Variants in GYPC observed in about 807,000 individuals in gnomAD.
The protein encoded by GYPC is glycophorin-C.
GYPC carries 14 observed loss-of-function variants against 12.6 expected under a neutral mutation model. The observed-to-expected ratio is 1.11, with a 90% CI of 0.74 to 1.74. The LOEUF (loss-of-function observed/expected upper bound fraction) is 1.74. GYPC is among the 40% of genes most tolerant of loss of function. The pLI, the probability that GYPC is intolerant of heterozygous loss-of-function variation, is 0.00. For synonymous variants in GYPC, 78 were observed against 62.1 expected, an observed-to-expected ratio of 1.26 and a Z score of -1.20; for missense variants, 225 against 172.1, an observed-to-expected ratio of 1.31 and a Z score of -1.72.
intron 1 of GYPC, among the ~76,000 whole-genome samples, chr2:126,671,412 T>A (rs1682852198): frequency 6.6e-6 from 1 of 152,228 alleles, no homozygotes; most frequent in Non-Finnish European, 1.5e-5. Flanking sequence ...AAAACAGTGC[T>A]TTATCACAGG....
intron 1 of GYPC, among the ~76,000 whole-genome samples, chr2:126,668,533 G>A (rs748582747): frequency 6.6e-6 from 1 of 152,204 alleles, no homozygotes; most frequent in Non-Finnish European, 1.5e-5. Flanking sequence ...TTTGCCTACA[G>A]CCAACTACAA....
At position 126,658,502 on chromosome 2, in the gene GYPC, A is replaced by T. The variant is rs191740901; in HGVS notation, c.49+2190A>T. The T allele has an allele frequency of 5.2e-5, 8 of 152,382 alleles. No homozygotes were observed. The East Asian group carries it at 1.4e-3, about 26-fold the overall frequency. The allele number at this position is 152,382 out of a possible 1,614,324, so 9.4% of individuals were successfully genotyped here. A position where few individuals can be genotyped will look rare whatever the true frequency, so the allele number is the denominator to read the frequency against. ...CTCTTCAGGTGGCAGACCTGTATGT[A>T]CATCTATGCCTCAAGTGCCTGTCTG... is the stretch of plus-strand genomic sequence containing the variant. On this transcript the variant is annotated intron_variant, in intron 1 of 3. Coordinates refer to ENST00000259254, the MANE Select transcript of GYPC (RefSeq NM_002101.5).
intron 1 of GYPC, among the ~76,000 whole-genome samples, chr2:126,670,312 G>T (rs1461548047): frequency 6.6e-6 from 1 of 152,216 alleles, no homozygotes; most frequent in African/African-American, 2.4e-5. Context: ...GCTCAGGATT[G>T]CCTGGAGAAG....
intron 1 of GYPC, among the ~76,000 whole-genome samples, 162 bp downstream of exon 1, chr2:126,656,474 C>G (rs1467520502): frequency 6.6e-6 from 1 of 152,194 alleles, no homozygotes; most frequent in Admixed American, 6.5e-5. Flanking sequence ...GACTCCAGCC[C>G]CGGTTCCCCG....
intron 1 of GYPC, among the ~76,000 whole-genome samples, chr2:126,689,740 G>T (rs1490375099): frequency 6.6e-6 from 1 of 152,078 alleles, no homozygotes; most frequent in Non-Finnish European, 1.5e-5. Flanking sequence ...GCAGTATGAG[G>T]CCCTCACCAG....
At chr2:126,677,513 G>A (rs1450113172) in intron 1 of GYPC, among the ~76,000 whole-genome samples, 7,172 of 93,586 alleles carry the variant, frequency 0.077, 568 homozygotes, top group African/African-American at 0.19. Context: ...GAGAGTGTGT[G>A]TGAGTCTGTG....
At chr2:126,686,096 C>G in intron 1 of GYPC, 2 of 985,254 alleles carry the variant, frequency 2.0e-6, no homozygotes. Flanking sequence ...ATGTAAAGAC[C>G]AGCCCACGCA....
chr2:126,656,583 G>A (rs991500821), intron 1 of GYPC, among the ~76,000 whole-genome samples: 79 of 152,252 alleles, frequency 5.2e-4, no homozygotes, highest in African/African-American at 1.8e-3. Context: ...GCCCTCCCAG[G>A]GCGTGTCGCC....
At chr2:126,656,409 CCCG>C in intron 1 of GYPC, 97 bp downstream of exon 1, 3 of 1,088,584 alleles carry the variant, frequency 2.8e-6, no homozygotes, top group Non-Finnish European at 4.0e-6. Flanking sequence ...GCCCTGGTGT[CCCG>C]GTCCGTGCCG....
Position 126,695,963 on chromosome 2 carries a change from G to T in GYPC, c.208G>T (p.Ala70Ser). 1 of 1,613,992 alleles carries T rather than the reference G, an allele frequency of 6.2e-7. No homozygotes were observed. The highest frequency in any genetic ancestry group is 1.3e-5 in the African/African-American group (1 of 75,040). ...VVIAGVIAAVAIVLVSLLFVM... is the reference protein window; with the variant it reads ...VVIAGVIAAVSIVLVSLLFVM... ...ACCTGCAGGTGTGATTGCTGCTGTG[G>T]CCATCGTCCTAGTCTCCCTCCTCTT... Residue 70 changes from alanine (A) to serine (S), a missense_variant, in exon 4 of 4, where the codon GCC becomes TCC. By Grantham distance (99) the Ala-to-Ser change is moderately conservative (BLOSUM62 1). Transcript: ENST00000259254.
chr2:126,693,141 C>G (rs1176509424), intron 2 of GYPC, among the ~76,000 whole-genome samples: 1 of 152,258 alleles, frequency 6.6e-6, no homozygotes, highest in Non-Finnish European at 1.5e-5. Flanking sequence ...ATTTGAGTCA[C>G]AGGGGCAGAT....
Position 126,696,333 on chromosome 2 carries a change from C to A in GYPC, c.*191C>A. 1 of 614,004 alleles carries A rather than the reference C, an allele frequency of 1.6e-6. No homozygotes were observed. 38.0% of individuals were successfully genotyped at this position (614,004 alleles called of 1,614,324 possible). A position where few individuals can be genotyped will look rare whatever the true frequency, so the allele number is the denominator to read the frequency against. On this transcript the variant is annotated 3_prime_UTR_variant, in exon 4 of 4. Coordinates refer to ENST00000259254, the MANE Select transcript of GYPC (RefSeq NM_002101.5). ...GAGGAGGACTCGCGCTACAAGAGGC[C>A]ACTCCCAGGGACCCAGGGAGGCGAT...
intron 1 of GYPC, among the ~76,000 whole-genome samples, chr2:126,662,918 G>A (rs561897503): frequency 6.6e-6 from 1 of 152,290 alleles, no homozygotes; most frequent in East Asian, 1.9e-4. Flanking sequence ...CTCCTCAGAT[G>A]TTTGCCCCTT....
At chr2:126,674,454 G>T (rs1682937501) in intron 1 of GYPC, among the ~76,000 whole-genome samples, 1 of 64,842 alleles carries the variant, frequency 1.5e-5, no homozygotes, top group African/African-American at 5.9e-5. Flanking sequence ...TGGGAAACAA[G>T]TGGGGGGGGA....
intron 1 of GYPC, chr2:126,686,416 A>T: frequency 1.0e-6 from 1 of 985,648 alleles, no homozygotes; most frequent in Non-Finnish European, 1.2e-6. Flanking sequence ...CATCCTGAGG[A>T]CATAGAGAGT....
chr2:126,658,768 TTTTAC>T (rs1682441912), intron 1 of GYPC: 1 of 152,226 alleles, frequency 6.6e-6, no homozygotes, highest in African/African-American at 2.4e-5. Flanking sequence ...ATTTTATATA[TTTTAC>T]TTCATCTTGT....
chr2:126,696,364 C>A lies in GYPC; in HGVS notation c.*222C>A. ...CAGGGACCCAGGGAGGCGATGGCCACCCCAGAGGCCACCTTTTGCTCCACG... is the reference window on the plus strand; with the variant it reads ...CAGGGACCCAGGGAGGCGATGGCCAACCCAGAGGCCACCTTTTGCTCCACG... On this transcript the variant is annotated 3_prime_UTR_variant, in exon 4 of 4. Transcript: ENST00000259254. The A allele has an allele frequency of 1.8e-6, 1 of 548,054 alleles. No individual in the cohort carries two copies. The highest frequency in any genetic ancestry group is 3.2e-5 in the East Asian group (1 of 30,796). The allele number at this position is 548,054 out of a possible 1,614,324, so 33.9% of individuals were successfully genotyped here.
chr2:126,690,887 C>T (rs1490735749), intron 2 of GYPC, among the ~76,000 whole-genome samples: 2 of 151,898 alleles, frequency 1.3e-5, no homozygotes, highest in South Asian at 2.1e-4. Flanking sequence ...TGCTCTGCGA[C>T]CTTCTTTGAG....
intron 1 of GYPC, among the ~76,000 whole-genome samples, chr2:126,688,371 C>G (rs1370983547): frequency 2.6e-5 from 4 of 152,294 alleles, no homozygotes; most frequent in African/African-American, 9.6e-5. Flanking sequence ...GTCTAGAACT[C>G]CACCACTAAA....
Sources: gnomAD v4.1 joint callset for allele counts (sites outside exome capture counted in the v4.1 genomes callset) on GRCh38, gnomAD v4.1.1 for gene constraint, MANE v1.5 for transcripts, NCBI Gene and HGNC (gene_info 2026-07-23, HGNC 2026-07-21) for gene names.